Variants in GRM5 observed in about 807,000 individuals in gnomAD.
The protein encoded by GRM5 is glutamate metabotropic receptor 5.
Under a neutral mutation model 83.1 loss-of-function variants are expected in GRM5, and 19 were observed. The observed-to-expected ratio is 0.23, with a 90% CI of 0.16 to 0.34. The LOEUF is 0.34. GRM5 is among the 10% of genes least tolerant of loss of function. The probability of loss-of-function intolerance (pLI) is 1.00; values close to 1 mark genes in which losing one functional copy is unlikely to be tolerated. For missense variants in GRM5, 1,160 were observed against 1,588.3 expected (o/e 0.73, Z 4.58); for synonymous variants, 675 against 633.6 (o/e 1.07, Z -0.98).
chr11:88,861,143 T>C (rs777024230), intron 2 of GRM5, among the ~76,000 whole-genome samples: 3 of 152,176 alleles, frequency 2.0e-5, no homozygotes, highest in Non-Finnish European at 2.9e-5. Flanking sequence ...ACAGTACCAC[T>C]TTAGGCATGC....
chr11:88,799,923 G>A (rs1433329002), intron 3 of GRM5, among the ~76,000 whole-genome samples: 1 of 152,016 alleles, frequency 6.6e-6, no homozygotes, highest in Non-Finnish European at 1.5e-5. Flanking sequence ...CAGACTTCCT[G>A]GCAAACAACA....
intron 2 of GRM5, among the ~76,000 whole-genome samples, chr11:88,988,849 T>A (rs1939847110): frequency 7.0e-6 from 1 of 141,896 alleles, no homozygotes; most frequent in Non-Finnish European, 1.5e-5. Context: ...CTAAAAGAGC[T>A]CCTGAAGGAA....
chr11:88,608,505 A>C (rs1273087929), intron 4 of GRM5, among the ~76,000 whole-genome samples: 1 of 144,472 alleles, frequency 6.9e-6, no homozygotes, highest in Non-Finnish European at 1.5e-5. Flanking sequence ...AAGCTCTATG[A>C]AAACAGGGAT....
intron 3 of GRM5, among the ~76,000 whole-genome samples, chr11:88,834,843 A>G (rs1419338558): frequency 2.0e-5 from 3 of 152,188 alleles, no homozygotes; most frequent in African/African-American, 4.8e-5. Flanking sequence ...CTCCACCAGG[A>G]GACTTTTAGC....
In GRM5 at chr11:88,751,072, CA is replaced by C. The variant is rs774458890; in HGVS notation, c.912-97670del. 8.5e-3 allele frequency among the ~76,000 whole-genome samples: 401 copies of C among 47,354 alleles called. 1 individual carries two copies. The highest frequency in any genetic ancestry group is 0.035 in the African/African-American group (302 of 8,740). 31.1% of individuals were successfully genotyped at this position (47,354 alleles called of 152,430 possible). Reference sequence around the variant, plus strand: ...AACAAACCCCAAAGATAGCAGAAGCCAAAAAAAAAAAAAAAAAAAAAAACAA... The same window carrying C: ...AACAAACCCCAAAGATAGCAGAAGCCAAAAAAAAAAAAAAAAAAAAAACAA... On this transcript the variant is annotated intron_variant, in intron 3 of 9. Coordinates refer to ENST00000305447, the MANE Select transcript of GRM5 (RefSeq NM_001143831.3).
chr11:88,906,616 T>A (rs1945408060), intron 2 of GRM5, among the ~76,000 whole-genome samples: 1 of 152,192 alleles, frequency 6.6e-6, no homozygotes, highest in Admixed American at 6.5e-5. Flanking sequence ...TGTCAAAATA[T>A]AGGAAATTCT....
At chr11:89,046,245 A>G (rs1192315790) in intron 2 of GRM5, among the ~76,000 whole-genome samples, 2 of 152,200 alleles carry the variant, frequency 1.3e-5, no homozygotes, top group East Asian at 3.8e-4. Flanking sequence ...ATTTTACCAG[A>G]CCGAAATATT....
chr11:88,629,780 G>C (rs1475991023), intron 4 of GRM5, among the ~76,000 whole-genome samples: 1 of 152,028 alleles, frequency 6.6e-6, no homozygotes, highest in Non-Finnish European at 1.5e-5. Context: ...TCTGCTTACA[G>C]CTCCATGGCA....
intron 4 of GRM5, among the ~76,000 whole-genome samples, chr11:88,643,759 A>G (rs903529210): frequency 1.7e-4 from 7 of 41,470 alleles, no homozygotes; most frequent in Admixed American, 1.2e-3. Flanking sequence ...TTCTTTCAGT[A>G]GATTTTTTTT....
chr11:88,700,687 G>A (rs1323562523), intron 3 of GRM5, among the ~76,000 whole-genome samples: 2 of 152,130 alleles, frequency 1.3e-5, no homozygotes, highest in African/African-American at 2.4e-5. Context: ...CCTTTATAAT[G>A]TTGCACAAGA....
chr11:88,740,689 A>G (rs1174865566), intron 3 of GRM5, among the ~76,000 whole-genome samples: 1 of 152,060 alleles, frequency 6.6e-6, no homozygotes, highest in East Asian at 1.9e-4. Context: ...TAATCTAATA[A>G]GGCTTCGTGA....
At chr11:89,007,481 T>C (rs1940562693) in intron 2 of GRM5, among the ~76,000 whole-genome samples, 1 of 152,246 alleles carries the variant, frequency 6.6e-6, no homozygotes, top group Non-Finnish European at 1.5e-5. Context: ...TTACTGCCAT[T>C]ATCATTCTGC....
intron 3 of GRM5, among the ~76,000 whole-genome samples, chr11:88,659,907 A>G (rs557493362): frequency 1.3e-5 from 2 of 151,262 alleles, no homozygotes; most frequent in Non-Finnish European, 3.0e-5. Context: ...TTCATTTCCT[A>G]TCCATATATG....
intron 2 of GRM5, among the ~76,000 whole-genome samples, chr11:88,998,059 C>T (rs536382590): frequency 5.0e-5 from 7 of 139,892 alleles, no homozygotes; most frequent in Admixed American, 2.2e-4. Flanking sequence ...ATATGAGAGG[C>T]GGAGAGAGAA....
In GRM5 at chr11:88,644,953, T is replaced by C. The variant is rs898225766; in HGVS notation, c.1147+8215A>G. On this transcript the variant is annotated intron_variant, in intron 4 of 9. Coordinates refer to ENST00000305447, the MANE Select transcript of GRM5 (RefSeq NM_001143831.3). The stretch of plus-strand genomic sequence containing the variant: ...ATTAGTGACCAAAGGGTCACTTTTA[T>C]AGGGGAGTGGTTGTTAAGGTAAACA... Among the ~76,000 whole-genome samples the C allele has an allele frequency of 2.0e-5, 3 of 152,064 alleles. No homozygotes were observed. The East Asian group carries it at 5.8e-4, about 29-fold the overall frequency.
At chr11:88,695,328 T>C (rs985386152) in intron 3 of GRM5, among the ~76,000 whole-genome samples, 2 of 152,334 alleles carry the variant, frequency 1.3e-5, no homozygotes, top group African/African-American at 4.8e-5. Context: ...AACCCAGCCA[T>C]CTTCCAAGTA....
At chr11:88,667,590 G>A (rs972227075) in intron 3 of GRM5, among the ~76,000 whole-genome samples, 4 of 152,132 alleles carry the variant, frequency 2.6e-5, no homozygotes, top group Non-Finnish European at 4.4e-5. Flanking sequence ...CTTAAAAAAA[G>A]TATAGTAGAA....
intron 2 of GRM5, among the ~76,000 whole-genome samples, chr11:88,972,407 C>T (rs1939193558): frequency 6.6e-6 from 1 of 152,158 alleles, no homozygotes; most frequent in East Asian, 1.9e-4. Flanking sequence ...ATAAACCTGT[C>T]TTTGACTGTT....
chr11:88,751,072 CAA>C (rs774458890), intron 3 of GRM5, among the ~76,000 whole-genome samples: 2,811 of 47,092 alleles, frequency 0.06, 32 homozygotes, highest in African/African-American at 0.15. Context: ...TAGCAGAAGC[CAA>C]AAAAAAAAAA....
Sources: gnomAD v4.1 joint callset for allele counts (sites outside exome capture counted in the v4.1 genomes callset) on GRCh38, gnomAD v4.1.1 for gene constraint, MANE v1.5 for transcripts, NCBI Gene and HGNC (gene_info 2026-07-23, HGNC 2026-07-21) for gene names.